Variants in BARD1 observed in about 807,000 individuals in gnomAD.
BARD1 encodes BRCA1 associated RING domain 1.
In BARD1, 73 loss-of-function variants were observed where a neutral mutation model predicts 77.0. The observed-to-expected ratio is 0.95, with a 90% CI of 0.79 to 1.15. The LOEUF is 1.15. BARD1 is among the 50% of genes most tolerant of loss of function. The pLI is 0.00. For missense variants in BARD1, 993 were observed against 938.8 expected, an observed-to-expected ratio of 1.06 and a Z score of -0.75; for synonymous variants, 384 against 338.0, an observed-to-expected ratio of 1.14 and a Z score of -1.49.
chr2:214,767,366 A>G, intron 6 of BARD1, 116 bp downstream of exon 6: 1 of 971,830 alleles, frequency 1.0e-6, no homozygotes, highest in Non-Finnish European at 1.6e-6. Context: ...ATCTAATTTT[A>G]GTTGTGAAAG....
intron 4 of BARD1, among the ~76,000 whole-genome samples, chr2:214,774,525 G>A (rs1239452890): frequency 6.6e-6 from 1 of 152,168 alleles, no homozygotes; most frequent in African/African-American, 2.4e-5. Context: ...TATCTTTCCT[G>A]AACAGTAGGT....
intron 2 of BARD1, among the ~76,000 whole-genome samples, chr2:214,792,959 T>G (rs1253091981): frequency 6.6e-6 from 1 of 152,158 alleles, no homozygotes; most frequent in African/African-American, 2.4e-5. Flanking sequence ...GGACTAAAGT[T>G]TCAGAGTTAG....
At chr2:214,790,053 A>C (rs1351495351) in intron 3 of BARD1, among the ~76,000 whole-genome samples, 3 of 152,136 alleles carry the variant, frequency 2.0e-5, no homozygotes, top group Non-Finnish European at 4.4e-5. Flanking sequence ...ATGATGAAAT[A>C]TGAAGAAAGC....
At chr2:214,779,410 C>A (rs567920231) in intron 4 of BARD1, among the ~76,000 whole-genome samples, 2 of 152,044 alleles carry the variant, frequency 1.3e-5, no homozygotes, top group Non-Finnish European at 2.9e-5. Flanking sequence ...TTTTTTATTG[C>A]GTATTGTTAT....
intron 9 of BARD1, among the ~76,000 whole-genome samples, chr2:214,741,192 T>TA (rs1385262586): frequency 6.6e-6 from 1 of 152,138 alleles, no homozygotes; most frequent in Non-Finnish European, 1.5e-5. Flanking sequence ...ATTCCTTCAG[T>TA]AATTCCCTTA....
At chr2:214,733,176 T>G (rs949616339) in intron 9 of BARD1, among the ~76,000 whole-genome samples, 6 of 151,904 alleles carry the variant, frequency 3.9e-5, no homozygotes, top group Non-Finnish European at 7.4e-5. Flanking sequence ...AGACTTCCAC[T>G]TCGGCGCTCT....
intron 10 of BARD1, 43 bp from the exon 11 acceptor site, chr2:214,729,051 C>T (rs755282725): frequency 1.3e-6 from 2 of 1,581,322 alleles, no homozygotes; most frequent in Non-Finnish European, 1.7e-6. Flanking sequence ...GATCAAAATA[C>T]TGTATTCAAA....
At chr2:214,801,034 TAAA>T (rs1021097807) in intron 1 of BARD1, among the ~76,000 whole-genome samples, 56 of 151,880 alleles carry the variant, frequency 3.7e-4, no homozygotes, top group African/African-American at 1.3e-3. Flanking sequence ...CTTGTAAAAC[TAAA>T]AAAAAGACAA....
At position 214,726,319 on chromosome 2, in the gene BARD1, T is replaced by C. The variant is rs758375071; in HGVS notation, c.*2357A>G. 5.0e-6 allele frequency: 1 copy of C among 200,362 alleles called. No individual in the cohort carries two copies. Among genetic ancestry groups the C allele is most frequent in the Non-Finnish European group, 1.0e-5 (1 of 97,208 alleles). The allele number at this position is 200,362 out of a possible 1,614,324, so 12.4% of individuals were successfully genotyped here. A position where few individuals can be genotyped will look rare whatever the true frequency, so the allele number is the denominator to read the frequency against. On this transcript the variant is annotated 3_prime_UTR_variant, in exon 11 of 11. Transcript: ENST00000260947. ...AAGGAAAAAGGGAAACAGTTATAAA[T>C]TCAAGTAGAACTAGAAAATAGCCAT...
chr2:214,777,566 T>C (rs1027157123), intron 4 of BARD1, among the ~76,000 whole-genome samples: 2 of 152,232 alleles, frequency 1.3e-5, no homozygotes, highest in East Asian at 1.9e-4. Flanking sequence ...CTTGAAATCC[T>C]TTTCTGAAGT....
Position 214,808,480 on chromosome 2 carries a change from T to C in BARD1, c.158+932A>G, listed in dbSNP as rs144234200. Among the ~76,000 whole-genome samples the C allele has an allele frequency of 2.9e-5, 3 of 104,226 alleles. No individual in the cohort carries two copies. The East Asian group carries it at 9.0e-4, about 31-fold the overall frequency. 68.4% of individuals were successfully genotyped at this position (104,226 alleles called of 152,430 possible). ...ACTAGGTAACTTAAGTTCTGCAAGT[T>C]AGAAATCAAAGGGGAAAAAAGTCCA... is the stretch of plus-strand genomic sequence containing the variant. On this transcript the variant is annotated intron_variant, in intron 1 of 10. Transcript: ENST00000260947.
intron 9 of BARD1, among the ~76,000 whole-genome samples, chr2:214,740,361 A>G (rs948607773): frequency 6.6e-6 from 1 of 151,836 alleles, no homozygotes; most frequent in Admixed American, 6.6e-5. Context: ...AAAAGTGAAA[A>G]TACTTCCAAT....
intron 2 of BARD1, among the ~76,000 whole-genome samples, chr2:214,796,403 A>G (rs747186544): frequency 3.3e-5 from 5 of 152,244 alleles, no homozygotes; most frequent in Non-Finnish European, 7.3e-5. Flanking sequence ...AGCCCTTAAT[A>G]TAAGTGGTAT....
intron 9 of BARD1, among the ~76,000 whole-genome samples, chr2:214,731,593 C>T (rs983179020): frequency 7.2e-5 from 11 of 152,168 alleles, no homozygotes; most frequent in Non-Finnish European, 1.3e-4. Flanking sequence ...TTTCACCGGG[C>T]TTCTGTGGAT....
At chr2:214,770,441 G>C (rs548360461) in intron 4 of BARD1, among the ~76,000 whole-genome samples, 2 of 152,326 alleles carry the variant, frequency 1.3e-5, no homozygotes, top group Admixed American at 6.5e-5. Flanking sequence ...ATGAGGAATA[G>C]TAAGAAATAC....
chr2:214,743,781 G>A (rs559982500), intron 9 of BARD1, among the ~76,000 whole-genome samples: 1 of 152,224 alleles, frequency 6.6e-6, no homozygotes, highest in East Asian at 1.9e-4. Flanking sequence ...AAGGGGGTTT[G>A]CCATGTTGGC....
intron 9 of BARD1, among the ~76,000 whole-genome samples, chr2:214,740,041 GAAT>G (rs767553613): frequency 7.2e-5 from 11 of 151,826 alleles, no homozygotes; most frequent in South Asian, 2.1e-4. Context: ...CTTGTATTAT[GAAT>G]AATATCAAAA....
chr2:214,756,272 C>G (rs1693690093), intron 6 of BARD1, among the ~76,000 whole-genome samples: 1 of 151,962 alleles, frequency 6.6e-6, no homozygotes, highest in Non-Finnish European at 1.5e-5. Context: ...CAAATCAAAA[C>G]CATATTGATA....
At chr2:214,734,188 G>T (rs113402825) in intron 9 of BARD1, among the ~76,000 whole-genome samples, 10,073 of 152,094 alleles carry the variant, frequency 0.066, 474 homozygotes, top group African/African-American at 0.13. Flanking sequence ...AAAAAAATAT[G>T]CTGGAAGTAT....
Sources: gnomAD v4.1 joint callset for allele counts (sites outside exome capture counted in the v4.1 genomes callset) on GRCh38, gnomAD v4.1.1 for gene constraint, MANE v1.5 for transcripts, NCBI Gene and HGNC (gene_info 2026-07-23, HGNC 2026-07-21) for gene names.